Variants in POLR2F observed in about 807,000 individuals in gnomAD.
POLR2F encodes DNA-directed RNA polymerases I, II, and III subunit RPABC2.
A neutral mutation model predicts 22.7 loss-of-function variants in POLR2F; 12 were observed. The observed-to-expected ratio is 0.53, with a 90% CI of 0.34 to 0.86. The LOEUF is 0.86. POLR2F is among the 40% of genes least tolerant of loss of function. POLR2F has a pLI of 0.02. For synonymous variants in POLR2F, 57 were observed against 66.0 expected, an observed-to-expected ratio of 0.86 and a Z score of 0.66; for missense variants, 126 against 171.5, an observed-to-expected ratio of 0.73 and a Z score of 1.48.
chr22:38,014,803 T>C (rs2084902121), intron 1 of POLR2F, among the ~76,000 whole-genome samples: 1 of 129,310 alleles, frequency 7.7e-6, no homozygotes, highest in African/African-American at 3.0e-5. Flanking sequence ...TTTGTATTTT[T>C]GTATTTTTTT....
chr22:37,996,977 C>T (rs1448211369), intron 1 of POLR2F, among the ~76,000 whole-genome samples: 1 of 152,144 alleles, frequency 6.6e-6, no homozygotes, highest in East Asian at 1.9e-4. Context: ...GGGCAGGCCA[C>T]CCCACTCCTG....
chr22:38,029,999 G>A (rs1211454326), downstream of POLR2F, among the ~76,000 whole-genome samples: 1 of 152,234 alleles, frequency 6.6e-6, no homozygotes, highest in African/African-American at 2.4e-5. Flanking sequence ...TGAGGCTGTT[G>A]CAGCAGCAGG....
Position 37,968,664 on chromosome 22 carries a change from G to A in POLR2F, c.*949G>A. The A allele has an allele frequency of 1.0e-6, 1 of 985,436 alleles. No homozygotes were observed. The highest frequency in any genetic ancestry group is 1.2e-6 in the Non-Finnish European group (1 of 829,938). 61.0% of individuals were successfully genotyped at this position (985,436 alleles called of 1,614,324 possible). A position where few individuals can be genotyped will look rare whatever the true frequency, so the allele number is the denominator to read the frequency against. On this transcript the variant is annotated 3_prime_UTR_variant, in exon 5 of 5. Coordinates refer to ENST00000442738, the MANE Select transcript of POLR2F (RefSeq NM_021974.5). The stretch of plus-strand genomic sequence containing the variant: ...CCTCCTAGAGGGGGTCAGGGGGAGG[G>A]TGTATATTGACATGAACAGGGATAG...
intron 1 of POLR2F, among the ~76,000 whole-genome samples, chr22:38,010,936 A>T (rs1298481364): frequency 1.3e-5 from 2 of 151,984 alleles, no homozygotes; most frequent in African/African-American, 2.4e-5. Context: ...TCTTTTGAAG[A>T]GCGAAAGTTT....
At chr22:37,983,611 C>T (rs1215416017), upstream of POLR2F, 2 of 1,607,144 alleles carry the variant, frequency 1.2e-6, no homozygotes, top group Admixed American at 3.3e-5. This position sits in a 1 kb window ranked among gnomAD's most constrained non-coding sequence, Gnocchi z 9.5. Flanking sequence ...CGCCGTCCTG[C>T]TGCTCCTTCT....
Position 37,968,124 on chromosome 22 carries a change from G to C in POLR2F, c.*409G>C. On this transcript the variant is annotated 3_prime_UTR_variant, in exon 5 of 5. Transcript: ENST00000442738. ...TGCAGGGGCTTCTCCCTTCTCAGGA[G>C]TATCACAGAGCAGGTCTCATCAAGC... 1.0e-6 allele frequency: 1 copy of C among 992,452 alleles called. No homozygotes were observed. 61.5% of individuals were successfully genotyped at this position (992,452 alleles called of 1,614,324 possible).
At chr22:38,041,475 T>A (rs1172496843), downstream of POLR2F, 3 of 281,984 alleles carry the variant, frequency 1.1e-5, no homozygotes, top group East Asian at 2.2e-4. Context: ...GTGGAAAAGC[T>A]CCAGCCCCCG....
chr22:37,960,349 G>A (rs373475502), intron 3 of POLR2F, among the ~76,000 whole-genome samples: 10 of 151,308 alleles, frequency 6.6e-5, no homozygotes, highest in South Asian at 2.1e-4. Context: ...TCAGCCTCCC[G>A]CGTAGCTGGG....
At chr22:38,025,632 A>G (rs765541938) in intron 1 of POLR2F, 30 of 1,561,096 alleles carry the variant, frequency 1.9e-5, no homozygotes, top group Non-Finnish European at 2.6e-5. Context: ...GCACTGGCCC[A>G]CAGCCTAGGC....
exon 3 of POLR2F, chr22:38,026,525 CGG>C: frequency 1.5e-5 from 5 of 341,240 alleles, no homozygotes; most frequent in Admixed American, 3.9e-5. Flanking sequence ...GGAGGGAAGG[CGG>C]GATGGCCCCT....
At chr22:38,019,974 A>G (rs1264631293) in intron 1 of POLR2F, among the ~76,000 whole-genome samples, 2 of 152,056 alleles carry the variant, frequency 1.3e-5, no homozygotes, top group African/African-American at 4.8e-5. Flanking sequence ...AGATCGTGCT[A>G]TTGCACTCCA....
chr22:38,023,819 C>A (rs574851425), intron 1 of POLR2F, among the ~76,000 whole-genome samples: 1 of 150,314 alleles, frequency 6.7e-6, no homozygotes, highest in South Asian at 2.1e-4. Context: ...ATTACAGGTG[C>A]GCACCACCAC....
In POLR2F at chr22:37,991,102, T is replaced by C. The variant is rs141652718; in HGVS notation, c.120+4790T>C. 3.6e-3 allele frequency among the ~76,000 whole-genome samples: 555 copies of C among 152,302 alleles called. 6 individuals carry two copies. The highest frequency in any genetic ancestry group is 0.013 in the African/African-American group (525 of 41,554). On this transcript the variant is annotated intron_variant, in intron 1 of 2. Coordinates refer to the POLR2F transcript ENST00000333418. Reference sequence around the variant, plus strand: ...CTGGAGACCAGCCTGGACAACATAGTGAGACCCCCGTTTCCATTGTTATTA... The same window carrying C: ...CTGGAGACCAGCCTGGACAACATAGCGAGACCCCCGTTTCCATTGTTATTA...
At position 37,986,384 on chromosome 22, in the gene POLR2F, T is replaced by C; in HGVS notation, c.120+72T>C. On this transcript the variant is annotated intron_variant, in intron 1 of 2. Coordinates refer to the POLR2F transcript ENST00000333418. The surrounding 1 kb of genome is among the most constrained non-coding windows in gnomAD (Gnocchi z 4.7). ...GAAAGGACCTCCCCGCTCTCTGCTGTGTCTGTGACTGGCCTGAGACCCGCC... is the reference window on the plus strand; with the variant it reads ...GAAAGGACCTCCCCGCTCTCTGCTGCGTCTGTGACTGGCCTGAGACCCGCC... The C allele has an allele frequency of 6.5e-7, 1 of 1,529,898 alleles. No homozygotes were observed. The highest frequency in any genetic ancestry group is 8.7e-7 in the Non-Finnish European group (1 of 1,144,078). 94.8% of individuals were successfully genotyped at this position (1,529,898 alleles called of 1,614,324 possible).
At chr22:38,033,534 C>T (rs908208807) in intron 5 of POLR2F, among the ~76,000 whole-genome samples, 18 of 152,344 alleles carry the variant, frequency 1.2e-4, no homozygotes, top group African/African-American at 4.3e-4. Flanking sequence ...GACCAATCAC[C>T]AGTGCCCACA....
intron 3 of POLR2F, among the ~76,000 whole-genome samples, chr22:37,965,542 A>G (rs1931821366): frequency 6.6e-6 from 1 of 152,242 alleles, no homozygotes; most frequent in Non-Finnish European, 1.5e-5. Context: ...ATTTTGAAAG[A>G]AAGCAGGCAC....
chr22:38,033,507 G>C (rs1208905833), intron 5 of POLR2F, among the ~76,000 whole-genome samples: 5 of 152,240 alleles, frequency 3.3e-5, no homozygotes, highest in Non-Finnish European at 7.3e-5. Context: ...GACAGGCCCA[G>C]CTGCTGGGAA....
At chr22:37,998,659 C>T (rs565470915) in intron 1 of POLR2F, among the ~76,000 whole-genome samples, 21 of 152,272 alleles carry the variant, frequency 1.4e-4, no homozygotes, top group Admixed American at 2.0e-4. Context: ...TGCAGAGGAC[C>T]GGCCAGGAGA....
chr22:37,989,293 T>C (rs1932672257), intron 1 of POLR2F, among the ~76,000 whole-genome samples: 1 of 152,212 alleles, frequency 6.6e-6, no homozygotes, highest in Admixed American at 6.5e-5. Context: ...ACATCTCCCC[T>C]ACCTAGCATA....
Sources: allele counts gnomAD v4.1 joint callset (sites outside exome capture counted in the v4.1 genomes callset), GRCh38; gene constraint gnomAD v4.1.1; non-coding constraint Gnocchi (gnomAD v3.1); transcripts MANE v1.5; gene names NCBI Gene and HGNC (gene_info 2026-07-23, HGNC 2026-07-21).